The following ZNF430 variants were observed in gnomAD, a reference collection of about 807,000 sequenced individuals.
ZNF430 encodes zinc finger protein 430.
A neutral mutation model predicts 56.7 loss-of-function variants in ZNF430; 35 were observed. That is an observed-to-expected ratio of 0.62 (90% CI 0.47 to 0.82). ZNF430 has a LOEUF of 0.82. Among genes scored for constraint, ZNF430 ranks in the 40% least tolerant of loss-of-function variants. The pLI is 0.00. For synonymous variants in ZNF430, 212 were observed against 224.3 expected, an observed-to-expected ratio of 0.94 and a Z score of 0.49; for missense variants, 574 against 661.0, an observed-to-expected ratio of 0.87 and a Z score of 1.44.
intron 2 of ZNF430, among the ~76,000 whole-genome samples, chr19:21,029,269 GTT>G (rs1967858327): frequency 6.6e-6 from 1 of 152,092 alleles, no homozygotes; most frequent in African/African-American, 2.4e-5. Flanking sequence ...TGGGGCCACT[GTT>G]TTATATTGTT....
intron 2 of ZNF430, among the ~76,000 whole-genome samples, chr19:21,032,867 T>A (rs949386264): frequency 5.3e-5 from 8 of 152,204 alleles, no homozygotes; most frequent in Non-Finnish European, 1.0e-4. Flanking sequence ...TCAACATGTC[T>A]TTTTTGTCTG....
intron 4 of ZNF430, among the ~76,000 whole-genome samples, chr19:21,037,491 G>C (rs1968025043): frequency 6.6e-6 from 1 of 152,162 alleles, no homozygotes; most frequent in Non-Finnish European, 1.5e-5. Flanking sequence ...TATAAATCAA[G>C]AGACACCTGG....
chr19:21,044,760 C>T (rs1366754033), intron 4 of ZNF430, among the ~76,000 whole-genome samples: 1 of 152,130 alleles, frequency 6.6e-6, no homozygotes, highest in Non-Finnish European at 1.5e-5. Flanking sequence ...AATTCCAGAA[C>T]TTCTTATTGG....
rs149587352 is a variant in ZNF430, at chr19:21,031,561, G to A, written c.97-1895G>A. Among the ~76,000 whole-genome samples, 59 of 152,232 alleles carry A rather than the reference G, an allele frequency of 3.9e-4. No homozygotes were observed. The East Asian group carries it at 7.7e-3, about 20-fold the overall frequency. ...AGCTCGTTGTTCCTGAATCCTTTCT[G>A]TTATAAAGGACAGAGAAATGGGTGG... On this transcript the variant is annotated intron_variant, in intron 2 of 4. Coordinates refer to ENST00000261560, the MANE Select transcript of ZNF430 (RefSeq NM_025189.4).
chr19:21,039,390 C>T (rs925236523), intron 4 of ZNF430, among the ~76,000 whole-genome samples: 8 of 132,070 alleles, frequency 6.1e-5, no homozygotes, highest in South Asian at 5.0e-4. Flanking sequence ...CCACTACACT[C>T]GGCCCATGTG....
rs28884773 is a variant in ZNF430 at position 21,043,106 on chromosome 19, G to A, written c.322+8922G>A. ...GATGATAGTTTTTTTGTTGTTGTGC[G>A]GAAGGTTTTTAGTTTAATTAGATTC... On this transcript the variant is annotated intron_variant, in intron 4 of 4. Transcript: ENST00000261560. Among the ~76,000 whole-genome samples, 586 of 152,114 alleles carry A rather than the reference G, an allele frequency of 3.9e-3. 2 individuals are homozygous for A. The highest frequency in any genetic ancestry group is 0.013 in the African/African-American group (527 of 41,504).
At chr19:21,034,050 T>C (rs1381021427) in intron 3 of ZNF430, 36 bp from the exon 4 acceptor site, 1 of 1,534,974 alleles carries the variant, frequency 6.5e-7, no homozygotes, top group Admixed American at 1.7e-5. Context: ...AACTGAAGAA[T>C]ATGAGAAAGA....
At chr19:21,049,417 T>C (rs1335924462) in intron 4 of ZNF430, 2 of 151,984 alleles carry the variant, frequency 1.3e-5, no homozygotes, top group Non-Finnish European at 2.9e-5. Context: ...ATAGGGAGCT[T>C]TATATATGGT....
chr19:21,042,781 C>G (rs532604842), intron 4 of ZNF430, among the ~76,000 whole-genome samples: 2 of 150,008 alleles, frequency 1.3e-5, no homozygotes, highest in Non-Finnish European at 3.0e-5. Flanking sequence ...AGTGAGACTC[C>G]ATCTAAAAAA....
At chr19:21,036,097 G>A (rs1599496285) in intron 4 of ZNF430, 1 of 152,030 alleles carries the variant, frequency 6.6e-6, no homozygotes, top group Non-Finnish European at 1.5e-5. Context: ...TTAACATTGA[G>A]TTATTGTGTT....
At chr19:21,052,582 T>C (rs1968300982) in intron 4 of ZNF430, among the ~76,000 whole-genome samples, 3 of 152,234 alleles carry the variant, frequency 2.0e-5, no homozygotes, top group Admixed American at 2.0e-4. Flanking sequence ...TTTGTCTCTT[T>C]GCAGTTTTGA....
At chr19:21,046,282 C>T (rs189551964) in intron 4 of ZNF430, among the ~76,000 whole-genome samples, 6 of 147,272 alleles carry the variant, frequency 4.1e-5, no homozygotes, top group Non-Finnish European at 7.4e-5. Context: ...TTGTGCACTG[C>T]ACTCCAGCCT....
chr19:21,029,782 T>C (rs746697665), intron 2 of ZNF430, among the ~76,000 whole-genome samples: 1 of 152,166 alleles, frequency 6.6e-6, no homozygotes, highest in Non-Finnish European at 1.5e-5. Context: ...CTGACTAACA[T>C]GGTGAAACCC....
intron 4 of ZNF430, among the ~76,000 whole-genome samples, chr19:21,048,392 G>C (rs1373488540): frequency 6.6e-6 from 1 of 150,822 alleles, no homozygotes; most frequent in Non-Finnish European, 1.5e-5. Context: ...GACTCTTAAC[G>C]AGCATGCTGC....
At position 21,022,727 on chromosome 19, in the gene ZNF430, C is replaced by T. The variant is rs1022566306; in HGVS notation, c.4-62C>T. On this transcript the variant is annotated intron_variant, in intron 1 of 4. Coordinates refer to ENST00000261560, the MANE Select transcript of ZNF430 (RefSeq NM_025189.4). ...GTCTGGGGATAAACCAAGATATCCGCCATGGTTATGTCAGTTAGAGTGTCT... is the reference window on the plus strand; with the variant it reads ...GTCTGGGGATAAACCAAGATATCCGTCATGGTTATGTCAGTTAGAGTGTCT... The T allele has an allele frequency of 5.0e-6, 6 of 1,198,884 alleles. No homozygotes were observed. In the African/African-American group the frequency reaches 9.0e-5, roughly 18 times the overall value. 74.3% of individuals were successfully genotyped at this position (1,198,884 alleles called of 1,614,324 possible).
intron 3 of ZNF430, 100 bp downstream of exon 3, chr19:21,033,682 G>A: frequency 2.3e-6 from 3 of 1,291,314 alleles, no homozygotes; most frequent in Non-Finnish European, 3.2e-6. Context: ...GCATAAATGA[G>A]TTTCTGATAC....
intron 4 of ZNF430, among the ~76,000 whole-genome samples, chr19:21,044,368 A>G (rs999865914): frequency 6.6e-6 from 1 of 152,142 alleles, no homozygotes; most frequent in Non-Finnish European, 1.5e-5. Flanking sequence ...AGTTCTGTTT[A>G]TATGATGAAT....
At chr19:21,040,952 C>T (rs969745984) in intron 4 of ZNF430, among the ~76,000 whole-genome samples, 4 of 151,994 alleles carry the variant, frequency 2.6e-5, no homozygotes, top group African/African-American at 4.8e-5. Flanking sequence ...ATATTATATT[C>T]AATATAATTA....
intron 4 of ZNF430, among the ~76,000 whole-genome samples, chr19:21,045,187 T>C (rs1286101872): frequency 3.3e-5 from 5 of 152,344 alleles, no homozygotes; most frequent in Admixed American, 1.3e-4. Flanking sequence ...TTGAGATCTT[T>C]CCAGCTTTTT....
Sources: allele counts gnomAD v4.1 joint callset (sites outside exome capture counted in the v4.1 genomes callset), GRCh38; gene constraint gnomAD v4.1.1; transcripts MANE v1.5; gene names NCBI Gene and HGNC (gene_info 2026-07-23, HGNC 2026-07-21).